Variants in MCC observed in about 807,000 individuals in gnomAD.
The protein encoded by MCC is colorectal mutant cancer protein.
A neutral mutation model predicts 116.2 loss-of-function variants in MCC; 90 were observed. The ratio of observed to expected loss-of-function variants is 0.77; its 90% CI spans 0.65 to 0.92. MCC has a LOEUF of 0.92. Among genes scored for constraint, MCC ranks in the 40% least tolerant of loss-of-function variants. The pLI, the probability that MCC is intolerant of heterozygous loss-of-function variation, is 0.00. For synonymous variants in MCC, 578 were observed against 510.5 expected (o/e 1.13, Z -1.78); for missense variants, 1,516 against 1,312.2 (o/e 1.16, Z -2.40).
intron 1 of MCC, among the ~76,000 whole-genome samples, chr5:113,447,762 A>G (rs1771263893): frequency 6.6e-6 from 1 of 152,076 alleles, no homozygotes; most frequent in Admixed American, 6.5e-5. Context: ...AAAGATGCAT[A>G]TGCTGCCTCT....
intron 3 of MCC, among the ~76,000 whole-genome samples, chr5:113,269,521 C>A (rs545734097): frequency 3.3e-5 from 5 of 152,284 alleles, no homozygotes; most frequent in Admixed American, 2.0e-4. Context: ...TTCAGACTCT[C>A]CCACAAACTG....
At chr5:113,088,132 T>C (rs1462119062) in intron 8 of MCC, among the ~76,000 whole-genome samples, 2 of 152,162 alleles carry the variant, frequency 1.3e-5, no homozygotes, top group African/African-American at 4.8e-5. Context: ...TTTTGGGCTA[T>C]GCTTTATTAT....
At chr5:113,077,076 G>A (rs1228775035) in intron 11 of MCC, among the ~76,000 whole-genome samples, 1 of 152,118 alleles carries the variant, frequency 6.6e-6, no homozygotes, top group African/African-American at 2.4e-5. Flanking sequence ...TTACATAATG[G>A]TAAAGGGATC....
chr5:113,470,221 T>A (rs368339988), intron 1 of MCC, among the ~76,000 whole-genome samples: 4 of 151,864 alleles, frequency 2.6e-5, no homozygotes, highest in South Asian at 2.1e-4. Context: ...TGATCCTGTC[T>A]TTATGATGTT....
chr5:113,292,125 G>C (rs534392237), intron 3 of MCC, among the ~76,000 whole-genome samples: 1 of 152,046 alleles, frequency 6.6e-6, no homozygotes, highest in Non-Finnish European at 1.5e-5. Flanking sequence ...CCAGCTACTC[G>C]GGAGACTGAG....
chr5:113,127,506 A>C (rs968033017), intron 5 of MCC, among the ~76,000 whole-genome samples: 3 of 152,180 alleles, frequency 2.0e-5, no homozygotes, highest in African/African-American at 7.2e-5. Context: ...CAACCTCACC[A>C]GCATCTGTTA....
chr5:113,116,925 G>T (rs1302154141), intron 6 of MCC, among the ~76,000 whole-genome samples: 1 of 152,200 alleles, frequency 6.6e-6, no homozygotes, highest in East Asian at 1.9e-4. Context: ...ACCCTCTCCA[G>T]AGAAATTAAG....
At chr5:113,429,356 G>A (rs916016788) in intron 1 of MCC, among the ~76,000 whole-genome samples, 2 of 152,138 alleles carry the variant, frequency 1.3e-5, no homozygotes, top group Non-Finnish European at 2.9e-5. Flanking sequence ...GCCAGGAAAA[G>A]AGCACATTAG....
intron 3 of MCC, among the ~76,000 whole-genome samples, chr5:113,302,892 G>A (rs565284636): frequency 6.6e-6 from 1 of 152,360 alleles, no homozygotes; most frequent in East Asian, 1.9e-4. Flanking sequence ...GGCTATTGCA[G>A]TGGTCCAGGT....
intron 1 of MCC, among the ~76,000 whole-genome samples, chr5:113,464,830 A>G (rs1266956473): frequency 2.0e-5 from 3 of 152,108 alleles, no homozygotes. Context: ...CACTCATGGC[A>G]GCAATAAAAT....
chr5:113,377,384 G>A lies in MCC; in HGVS notation c.415+7584C>T, dbSNP rs933098733. On this transcript the variant is annotated intron_variant, in intron 2 of 18. Transcript: ENST00000408903. ...GAAACATGATGTGATATAGTAGAATGAGCCCACTAGATGGTTAGGAGTCTT... is the reference window on the plus strand; with the variant it reads ...GAAACATGATGTGATATAGTAGAATAAGCCCACTAGATGGTTAGGAGTCTT... Among the ~76,000 whole-genome samples the A allele has an allele frequency of 2.6e-5, 4 of 152,094 alleles. No homozygotes were observed. In the East Asian group the frequency reaches 7.7e-4, roughly 29 times the overall value.
chr5:113,127,258 G>A (rs534975988), intron 5 of MCC, among the ~76,000 whole-genome samples: 147 of 152,272 alleles, frequency 9.7e-4, no homozygotes, highest in Non-Finnish European at 1.7e-3. Flanking sequence ...TCACTGATGG[G>A]CATTTAGGTT....
chr5:113,052,924 C>A (rs1752580667), intron 15 of MCC, among the ~76,000 whole-genome samples: 2 of 152,190 alleles, frequency 1.3e-5, no homozygotes, highest in South Asian at 4.1e-4. Flanking sequence ...CCTAGCTCAG[C>A]AAGAAACTCC....
chr5:113,369,061 G>A (rs1213396219), intron 2 of MCC, among the ~76,000 whole-genome samples: 1 of 152,164 alleles, frequency 6.6e-6, no homozygotes, highest in East Asian at 1.9e-4. Flanking sequence ...GGGAGGGGAC[G>A]TAGAGCTTCC....
chr5:113,188,282 C>G (rs533277566), intron 3 of MCC, among the ~76,000 whole-genome samples: 1 of 152,244 alleles, frequency 6.6e-6, no homozygotes, highest in Middle Eastern at 3.4e-3. Context: ...AAGACAAGAG[C>G]CAGCTGTCAA....
At chr5:113,207,359 T>C (rs544387947) in intron 3 of MCC, among the ~76,000 whole-genome samples, 3 of 150,926 alleles carry the variant, frequency 2.0e-5, no homozygotes, top group Non-Finnish European at 4.4e-5. Flanking sequence ...CCAGTACGTA[T>C]TAGCTATTTT....
chr5:113,039,329 G>A (rs1751528880), intron 17 of MCC, among the ~76,000 whole-genome samples: 1 of 152,330 alleles, frequency 6.6e-6, no homozygotes, highest in South Asian at 2.1e-4. Flanking sequence ...AACTCCAGGT[G>A]TATGCAACAG....
intron 1 of MCC, among the ~76,000 whole-genome samples, chr5:113,486,330 G>A (rs1476935170): frequency 6.6e-6 from 1 of 152,154 alleles, no homozygotes; most frequent in South Asian, 2.1e-4. Context: ...GCCCCAGCCA[G>A]TTTCTACTCT....
At chr5:113,475,857 T>C (rs929632564) in intron 1 of MCC, among the ~76,000 whole-genome samples, 1 of 152,234 alleles carries the variant, frequency 6.6e-6, no homozygotes, top group Non-Finnish European at 1.5e-5. Context: ...CTAGGCCGCA[T>C]GTATGGTGGG....
Sources: gnomAD v4.1 joint callset for allele counts (sites outside exome capture counted in the v4.1 genomes callset) on GRCh38, gnomAD v4.1.1 for gene constraint, MANE v1.5 for transcripts, NCBI Gene and HGNC (gene_info 2026-07-23, HGNC 2026-07-21) for gene names.